COG5: variants seen among roughly 807,000 people sequenced by gnomAD.
The protein encoded by COG5 is conserved oligomeric Golgi complex subunit 5.
COG5 carries 86 observed loss-of-function variants against 110.4 expected under a neutral mutation model. That is an observed-to-expected ratio of 0.78 (90% confidence interval 0.65 to 0.93). The LOEUF is 0.93. Ranked by LOEUF, COG5 falls within the 40% of genes least tolerant of loss-of-function variation. The pLI is 0.00. For missense variants in COG5, 1,077 were observed against 987.0 expected, an observed-to-expected ratio of 1.09 and a Z score of -1.22; for synonymous variants, 360 against 334.6, an observed-to-expected ratio of 1.08 and a Z score of -0.83.
chr7:107,245,913 C>G lies in COG5; in HGVS notation c.1853+2483G>C, dbSNP rs112188217. On this transcript the variant is annotated intron_variant, in intron 17 of 21. Coordinates refer to ENST00000297135, the MANE Select transcript of COG5 (RefSeq NM_006348.5). ...AAAGAGCCTGAATAGCCAAGGCAATCCTAAGCTAAAAGAACAAAGCTGGAG... is the reference window on the plus strand; with the variant it reads ...AAAGAGCCTGAATAGCCAAGGCAATGCTAAGCTAAAAGAACAAAGCTGGAG... 6.7e-3 allele frequency among the ~76,000 whole-genome samples: 1,022 copies of G among 152,264 alleles called. 15 individuals carry two copies. Among genetic ancestry groups the G allele is most frequent in the African/African-American group, 0.023 (975 of 41,536 alleles).
At chr7:107,265,212 T>G (rs761243967) in intron 14 of COG5, among the ~76,000 whole-genome samples, 1 of 152,164 alleles carries the variant, frequency 6.6e-6, no homozygotes, top group African/African-American at 2.4e-5. Context: ...AAGGAAGGAT[T>G]TGGGAAAAGA....
At chr7:107,534,293 C>T (rs1801420126) in intron 5 of COG5, among the ~76,000 whole-genome samples, 1 of 151,560 alleles carries the variant, frequency 6.6e-6, no homozygotes, top group Non-Finnish European at 1.5e-5. Flanking sequence ...ATCATAATGA[C>T]AGGATAAAAT....
intron 17 of COG5, among the ~76,000 whole-genome samples, chr7:107,248,179 A>G (rs1222287206): frequency 6.6e-6 from 1 of 152,070 alleles, no homozygotes; most frequent in African/African-American, 2.4e-5. Context: ...TCATAAAGAA[A>G]AAGTTTTTAA....
intron 1 of COG5, among the ~76,000 whole-genome samples, chr7:107,561,848 C>T (rs562667497): frequency 6.6e-6 from 1 of 152,084 alleles, no homozygotes. Flanking sequence ...TAGTGATGGG[C>T]GCTTGTAGTC....
chr7:107,457,942 T>A (rs1047458421), intron 6 of COG5, among the ~76,000 whole-genome samples: 1 of 152,012 alleles, frequency 6.6e-6, no homozygotes, highest in African/African-American at 2.4e-5. Context: ...TACACCACGG[T>A]ACATCACAAT....
intron 11 of COG5, among the ~76,000 whole-genome samples, chr7:107,302,082 C>T (rs187551975): frequency 2.0e-5 from 3 of 152,024 alleles, no homozygotes; most frequent in African/African-American, 7.2e-5. Context: ...GGAATTGTAC[C>T]TGAACATTCA....
rs1008951954 is a variant in COG5, at chr7:107,244,176, G to A, written c.1853+4220C>T. On this transcript the variant is annotated intron_variant, in intron 17 of 21. Coordinates refer to ENST00000297135, the MANE Select transcript of COG5 (RefSeq NM_006348.5). The stretch of plus-strand genomic sequence containing the variant: ...CTGAGGCAGGAGAATCGCTTGAACC[G>A]AGGAGGTGGAGGCAGCAGTGAGCCA... Among the ~76,000 whole-genome samples, 4 of 151,932 alleles carry A rather than the reference G, an allele frequency of 2.6e-5. No homozygotes were observed. The East Asian group carries it at 5.8e-4, about 22-fold the overall frequency.
rs190073290 is a variant in COG5 at position 107,307,708 on chromosome 7, A to G, written c.1109-9362T>C. Among the ~76,000 whole-genome samples the G allele has an allele frequency of 8.8e-4, 134 of 152,286 alleles. 1 individual carries two copies. Among genetic ancestry groups the G allele is most frequent in the African/African-American group, 2.9e-3 (122 of 41,582 alleles). On this transcript the variant is annotated intron_variant, in intron 11 of 21. Coordinates refer to ENST00000297135, the MANE Select transcript of COG5 (RefSeq NM_006348.5). ...CTCACTTATAAGTGGGAGCTAAGCTATATGAATGCAAAGACATAAGAATGA... is the reference window on the plus strand; with the variant it reads ...CTCACTTATAAGTGGGAGCTAAGCTGTATGAATGCAAAGACATAAGAATGA...
At chr7:107,481,110 C>A (rs1450099086) in intron 6 of COG5, among the ~76,000 whole-genome samples, 1 of 152,104 alleles carries the variant, frequency 6.6e-6, no homozygotes, top group South Asian at 2.1e-4. Context: ...TATCAAACCC[C>A]GAAGCATCAA....
intron 6 of COG5, among the ~76,000 whole-genome samples, chr7:107,522,095 GAAC>G (rs760940191): frequency 2.0e-5 from 3 of 152,098 alleles, no homozygotes; most frequent in Admixed American, 6.6e-5. Flanking sequence ...ACAGGGAGGG[GAAC>G]AACACACACC....
intron 10 of COG5, among the ~76,000 whole-genome samples, chr7:107,334,316 C>T (rs76695679): frequency 0.032 from 4,820 of 152,116 alleles, 241 homozygotes; most frequent in African/African-American, 0.11. Flanking sequence ...ATAAATGCTG[C>T]ATGTTTCCAC....
intron 11 of COG5, among the ~76,000 whole-genome samples, chr7:107,304,571 C>T (rs1275517260): frequency 6.6e-6 from 1 of 152,152 alleles, no homozygotes; most frequent in Non-Finnish European, 1.5e-5. Flanking sequence ...TTCTTACTAC[C>T]CCTACATCCC....
chr7:107,372,644 A>ATAATGT lies in COG5; in HGVS notation c.785_786insACATTA (p.Ser262delinsArgHisTyr), dbSNP rs773335161. ...GAGTCAAAACTTTTATGTCTAATGC[A>ATAATGT]CTGTTGATATTTTCTTCTAAAGTAG... is the stretch of plus-strand genomic sequence containing the variant. On this transcript the variant is annotated protein_altering_variant, in exon 8 of 22. Coordinates refer to ENST00000297135, the MANE Select transcript of COG5 (RefSeq NM_006348.5). The ATAATGT allele has an allele frequency of 6.2e-7, 1 of 1,613,732 alleles. No homozygotes were observed. The highest frequency in any genetic ancestry group is 2.2e-5 in the East Asian group (1 of 44,804).
intron 10 of COG5, among the ~76,000 whole-genome samples, chr7:107,352,614 T>C (rs944781701): frequency 6.6e-6 from 1 of 152,138 alleles, no homozygotes; most frequent in African/African-American, 2.4e-5. Context: ...TCTCATAATA[T>C]TGAAAAGATT....
chr7:107,386,445 CGT>C (rs1347790304), intron 7 of COG5, among the ~76,000 whole-genome samples: 1 of 152,020 alleles, frequency 6.6e-6, no homozygotes, highest in Admixed American at 6.6e-5. Context: ...GCTGGTGCCC[CGT>C]GTGAGGAACG....
intron 10 of COG5, among the ~76,000 whole-genome samples, chr7:107,345,869 T>A (rs1811559307): frequency 6.6e-6 from 1 of 152,202 alleles, no homozygotes; most frequent in South Asian, 2.1e-4. Context: ...ACAAACCATA[T>A]TTCATTTCAG....
At chr7:107,365,361 CACAA>C (rs1169335046) in intron 8 of COG5, among the ~76,000 whole-genome samples, 8 of 151,826 alleles carry the variant, frequency 5.3e-5, no homozygotes, top group East Asian at 1.9e-4. Context: ...ATTTCAAAGA[CACAA>C]ACAATCAAAC....
rs1422530051 is a variant in COG5, at chr7:107,279,501, C to A, written c.1575+1799G>T. Among the ~76,000 whole-genome samples, 4 of 152,054 alleles carry A rather than the reference C, an allele frequency of 2.6e-5. No homozygotes were observed. The East Asian group carries it at 7.7e-4, about 29-fold the overall frequency. ...CTATTTTCCTCTAAATGTTTTCAGT[C>A]AAATTATTCTAAAAAAATAGGAATA... On this transcript the variant is annotated intron_variant, in intron 14 of 21. Transcript: ENST00000297135.
intron 6 of COG5, among the ~76,000 whole-genome samples, chr7:107,463,774 T>C (rs1796141863): frequency 6.6e-6 from 1 of 152,132 alleles, no homozygotes; most frequent in African/African-American, 2.4e-5. Context: ...GAAAATCTAT[T>C]CTGCAGAGGA....
Sources: gnomAD v4.1 joint callset for allele counts (sites outside exome capture counted in the v4.1 genomes callset) on GRCh38, gnomAD v4.1.1 for gene constraint, MANE v1.5 for transcripts, NCBI Gene and HGNC (gene_info 2026-07-23, HGNC 2026-07-21) for gene names.